Variants in PIGU observed in about 807,000 individuals in gnomAD.
The protein encoded by PIGU is GPI-anchor transamidase component PIGU.
PIGU carries 24 observed loss-of-function variants against 49.9 expected under a neutral mutation model. The ratio of observed to expected loss-of-function variants is 0.48; its 90% CI spans 0.35 to 0.68. The LOEUF is 0.68. Among genes scored for constraint, PIGU ranks in the 30% least tolerant of loss-of-function variants. The probability of loss-of-function intolerance (pLI) is 0.01; values close to 1 mark genes in which losing one functional copy is unlikely to be tolerated. For missense variants in PIGU, 490 were observed against 532.6 expected (o/e 0.92, Z 0.79); for synonymous variants, 220 against 205.7 (o/e 1.07, Z -0.59).
intron 2 of PIGU, among the ~76,000 whole-genome samples, chr20:34,646,584 T>C (rs962497284): frequency 6.7e-6 from 1 of 148,760 alleles, no homozygotes; most frequent in African/African-American, 2.5e-5. Context: ...AATTTTTGTA[T>C]TTTTAGTAGA....
chr20:34,614,324 C>G (rs142416575), intron 7 of PIGU, among the ~76,000 whole-genome samples: 1 of 116,976 alleles, frequency 8.5e-6, no homozygotes, highest in Non-Finnish European at 2.2e-5. Flanking sequence ...AAAAAGAAAA[C>G]AAATAAAAAC....
intron 7 of PIGU, among the ~76,000 whole-genome samples, chr20:34,602,851 C>T (rs1984477893): frequency 6.6e-6 from 1 of 152,184 alleles, no homozygotes; most frequent in Admixed American, 6.5e-5. Flanking sequence ...CAATCCCCTC[C>T]TCCCTCCAAA....
chr20:34,598,780 G>A (rs920952018), intron 7 of PIGU, among the ~76,000 whole-genome samples: 1 of 152,198 alleles, frequency 6.6e-6, no homozygotes, highest in African/African-American at 2.4e-5. Context: ...AAGGAATTAC[G>A]CCTCAGGCGC....
chr20:34,667,982 A>G (rs1271468460), intron 1 of PIGU, among the ~76,000 whole-genome samples: 2 of 152,124 alleles, frequency 1.3e-5, no homozygotes, highest in African/African-American at 4.8e-5. Context: ...GGACCATATC[A>G]TCTCAGGGGT....
Position 34,642,693 on chromosome 20 carries a change from C to CATATAT in PIGU, c.318+1465_318+1470dup, listed in dbSNP as rs11472795. 1.0e-3 allele frequency among the ~76,000 whole-genome samples: 126 copies of CATATAT among 120,288 alleles called. 1 individual carries two copies. Among genetic ancestry groups the CATATAT allele is most frequent in the African/African-American group, 1.3e-3 (41 of 32,364 alleles). The allele number at this position is 120,288 out of a possible 152,430, so 78.9% of individuals were successfully genotyped here. ...TATATATATGCACACACACATATCT[C>CATATAT]ATATATATATATATATATATGCACA... On this transcript the variant is annotated intron_variant, in intron 4 of 11. Transcript: ENST00000217446.
At position 34,585,430 on chromosome 20, in the gene PIGU, CACTT is replaced by C; in HGVS notation, c.926+3_926+6del. ...TACACACAGCAGCAGCAGGTCCAGC[CACTT>C]ACTTTAGCTTTATGGCTAAGGGGAT... On this transcript the variant is annotated splice_donor_5th_base_variant and intron_variant, in intron 9 of 11. Coordinates refer to ENST00000217446, the MANE Select transcript of PIGU (RefSeq NM_080476.5). 2 of 1,613,954 alleles carry C rather than the reference CACTT, an allele frequency of 1.2e-6. No homozygotes were observed. Among genetic ancestry groups the C allele is most frequent in the Non-Finnish European group, 1.7e-6 (2 of 1,179,848 alleles).
At chr20:34,561,876 C>A (rs1600578182) in intron 11 of PIGU, among the ~76,000 whole-genome samples, 1 of 152,088 alleles carries the variant, frequency 6.6e-6, no homozygotes, top group East Asian at 1.9e-4. Flanking sequence ...TAGTTCTTGG[C>A]CCCACTAATC....
At chr20:34,675,467 C>T (rs1394863488) in intron 1 of PIGU, among the ~76,000 whole-genome samples, 2 of 152,102 alleles carry the variant, frequency 1.3e-5, no homozygotes, top group Non-Finnish European at 2.9e-5. Context: ...CAAGCTCTTA[C>T]AATCTCAGAC....
intron 6 of PIGU, among the ~76,000 whole-genome samples, chr20:34,630,453 A>G (rs190618417): frequency 2.3e-3 from 346 of 152,302 alleles, no homozygotes; most frequent in Non-Finnish European, 3.3e-3. Context: ...AGGACTTCAG[A>G]GGATTCCTCT....
chr20:34,620,597 G>T (rs559271019), intron 6 of PIGU, among the ~76,000 whole-genome samples: 13 of 151,952 alleles, frequency 8.6e-5, no homozygotes, highest in Non-Finnish European at 1.8e-4. Context: ...GGATCACGAG[G>T]TCGGGAGATC....
intron 2 of PIGU, among the ~76,000 whole-genome samples, chr20:34,652,477 A>T (rs1600662273): frequency 6.6e-6 from 1 of 152,104 alleles, no homozygotes; most frequent in East Asian, 1.9e-4. Context: ...TTCTACTCAG[A>T]TCTTTATTAT....
rs1184733215 is a variant in PIGU, at chr20:34,560,983, G to C, written c.1195-4C>G. The C allele has an allele frequency of 7.5e-6, 12 of 1,590,878 alleles. No individual in the cohort carries two copies. The highest frequency in any genetic ancestry group is 1.7e-5 in the Admixed American group (1 of 59,694). ...AGTAATCAGAGATGAGCAGGATCTG[G>C]GGGGAGAGAGAGGGTGTGAGGCGCT... On this transcript the variant is annotated splice_region_variant and splice_polypyrimidine_tract_variant and intron_variant, in intron 11 of 11. Coordinates refer to ENST00000217446, the MANE Select transcript of PIGU (RefSeq NM_080476.5).
chr20:34,572,950 G>A (rs966339207), intron 11 of PIGU, among the ~76,000 whole-genome samples: 1 of 152,196 alleles, frequency 6.6e-6, no homozygotes, highest in Non-Finnish European at 1.5e-5. Flanking sequence ...CAAAGGCCAC[G>A]TCTGCAGAGG....
At chr20:34,564,397 G>C (rs1982657459) in intron 11 of PIGU, among the ~76,000 whole-genome samples, 1 of 152,216 alleles carries the variant, frequency 6.6e-6, no homozygotes, top group African/African-American at 2.4e-5. Context: ...GCTGGGAATG[G>C]TGGCTTGTGC....
At chr20:34,646,210 T>C (rs1245696465) in intron 2 of PIGU, among the ~76,000 whole-genome samples, 3 of 152,230 alleles carry the variant, frequency 2.0e-5, no homozygotes, top group Admixed American at 6.5e-5. Flanking sequence ...TCACAGATTC[T>C]ATTTATTTCA....
intron 11 of PIGU, among the ~76,000 whole-genome samples, chr20:34,574,843 C>T (rs1415864392): frequency 3.9e-5 from 6 of 152,192 alleles, no homozygotes; most frequent in Non-Finnish European, 5.9e-5. Context: ...TAAAGTAGGG[C>T]TAACATGCCC....
At chr20:34,665,777 TTTC>T (rs1316286494) in intron 1 of PIGU, among the ~76,000 whole-genome samples, 32 of 152,238 alleles carry the variant, frequency 2.1e-4, no homozygotes, top group Admixed American at 3.9e-4. Context: ...TACATAGATG[TTTC>T]ATCTATGTAC....
At chr20:34,661,259 A>ATGG (rs2146789005) in intron 1 of PIGU, among the ~76,000 whole-genome samples, 1 of 152,204 alleles carries the variant, frequency 6.6e-6, no homozygotes, top group African/African-American at 2.4e-5. Context: ...GGTTTGTTAC[A>ATGG]TGGGTAAATT....
intron 2 of PIGU, among the ~76,000 whole-genome samples, chr20:34,649,102 C>T (rs1445861736): frequency 2.0e-5 from 3 of 152,016 alleles, no homozygotes; most frequent in Non-Finnish European, 4.4e-5. Context: ...CTCCTGACCT[C>T]GTGATCCGCC....
Sources: allele counts gnomAD v4.1 joint callset (sites outside exome capture counted in the v4.1 genomes callset), GRCh38; gene constraint gnomAD v4.1.1; transcripts MANE v1.5; gene names NCBI Gene and HGNC (gene_info 2026-07-23, HGNC 2026-07-21).